Variants in GALNTL6 observed in about 807,000 individuals in gnomAD.
The protein encoded by GALNTL6 is polypeptide N-acetylgalactosaminyltransferase like 6.
GALNTL6 carries 46 observed loss-of-function variants against 73.7 expected under a neutral mutation model. That is an observed-to-expected ratio of 0.62 (90% CI 0.49 to 0.80). GALNTL6 has a LOEUF of 0.80. Ranked by LOEUF, GALNTL6 falls within the 30% of genes least tolerant of loss-of-function variation. GALNTL6 has a pLI of 0.00. For missense variants in GALNTL6, 604 were observed against 755.0 expected (o/e 0.80, Z 2.34); for synonymous variants, 259 against 263.7 (o/e 0.98, Z 0.17).
intron 3 of GALNTL6, among the ~76,000 whole-genome samples, chr4:172,298,267 G>T (rs1739763254): frequency 6.6e-6 from 1 of 152,092 alleles, no homozygotes; most frequent in South Asian, 2.1e-4. Flanking sequence ...AGATGATGGG[G>T]TTTTCTAGAT....
chr4:172,361,575 A>G (rs1439897545), intron 5 of GALNTL6, among the ~76,000 whole-genome samples: 2 of 152,104 alleles, frequency 1.3e-5, no homozygotes, highest in African/African-American at 4.8e-5. Context: ...CGAACCCAGG[A>G]TAATAAGCTT....
intron 5 of GALNTL6, among the ~76,000 whole-genome samples, chr4:172,394,555 C>T (rs1743782928): frequency 6.6e-6 from 1 of 151,722 alleles, no homozygotes; most frequent in African/African-American, 2.4e-5. Context: ...CTTCAGCCTC[C>T]TGAGTAGCTG....
At chr4:172,703,866 C>T (rs1378265964) in intron 5 of GALNTL6, among the ~76,000 whole-genome samples, 1 of 151,808 alleles carries the variant, frequency 6.6e-6, no homozygotes, top group East Asian at 1.9e-4. Flanking sequence ...ATGATTCAAC[C>T]TCTTTATCCA....
In GALNTL6 at chr4:172,061,817, C is replaced by G. The variant is rs1731208946; in HGVS notation, c.139-167839C>G. 2.0e-5 allele frequency among the ~76,000 whole-genome samples: 3 copies of G among 152,078 alleles called. No homozygotes were observed. The South Asian group carries it at 6.2e-4, about 32-fold the overall frequency. On this transcript the variant is annotated intron_variant, in intron 2 of 12. Transcript: ENST00000506823. Reference sequence around the variant, plus strand: ...ACAAACTTGCTGCTTCCAAATGCATCCACCCTGAACGTTCTCAAAACTCAC... The same window carrying G: ...ACAAACTTGCTGCTTCCAAATGCATGCACCCTGAACGTTCTCAAAACTCAC...
rs544625021 is a variant in GALNTL6 at position 171,875,136 on chromosome 4, G to A, written c.138+60418G>A. 4.2e-4 allele frequency among the ~76,000 whole-genome samples: 64 copies of A among 152,252 alleles called. No homozygotes were observed. The South Asian group carries it at 0.011, about 25-fold the overall frequency. ...GGGGAAGGTAATGTGAGCCTTTAGCGATAGGTACTATTTTTTGATGATGAT... is the reference window on the plus strand; with the variant it reads ...GGGGAAGGTAATGTGAGCCTTTAGCAATAGGTACTATTTTTTGATGATGAT... On this transcript the variant is annotated intron_variant, in intron 2 of 12. Transcript: ENST00000506823.
At chr4:172,219,847 G>A (rs142667620) in intron 2 of GALNTL6, among the ~76,000 whole-genome samples, 1 of 151,996 alleles carries the variant, frequency 6.6e-6, no homozygotes, top group East Asian at 1.9e-4. Context: ...AAGCAACCTG[G>A]TTTTGATATT....
At chr4:172,573,857 G>A (rs990673148) in intron 5 of GALNTL6, among the ~76,000 whole-genome samples, 10 of 152,126 alleles carry the variant, frequency 6.6e-5, no homozygotes, top group African/African-American at 2.2e-4. Context: ...CCAGTAACAC[G>A]TTTTGAGGGT....
At chr4:172,905,631 C>G (rs1186599088) in intron 8 of GALNTL6, among the ~76,000 whole-genome samples, 1 of 151,724 alleles carries the variant, frequency 6.6e-6, no homozygotes, top group Non-Finnish European at 1.5e-5. Context: ...ACTATTTGTG[C>G]CTAAGATAAA....
chr4:171,971,278 T>G (rs1489125165), intron 2 of GALNTL6, among the ~76,000 whole-genome samples: 3 of 152,192 alleles, frequency 2.0e-5, no homozygotes, highest in Non-Finnish European at 4.4e-5. Context: ...TCCCTCTGAA[T>G]GAAGGCCTAG....
intron 2 of GALNTL6, among the ~76,000 whole-genome samples, chr4:172,105,451 T>G (rs796457116): frequency 6.6e-6 from 1 of 152,060 alleles, no homozygotes; most frequent in South Asian, 2.1e-4. Flanking sequence ...ACATAAAGTT[T>G]TTTTTTAATT....
intron 7 of GALNTL6, among the ~76,000 whole-genome samples, chr4:172,836,380 CCTGGG>C (rs1298722294): frequency 6.6e-6 from 1 of 152,194 alleles, no homozygotes; most frequent in African/African-American, 2.4e-5. Flanking sequence ...GATGTCATTA[CCTGGG>C]CTGGGGAAGT....
intron 8 of GALNTL6, among the ~76,000 whole-genome samples, chr4:172,886,561 C>T (rs1051752360): frequency 6.6e-5 from 10 of 152,188 alleles, no homozygotes; most frequent in African/African-American, 2.2e-4. Flanking sequence ...GTCAGGAGTT[C>T]GAGACCAGCC....
At chr4:172,329,780 G>A (rs1018248113) in intron 4 of GALNTL6, among the ~76,000 whole-genome samples, 9 of 152,136 alleles carry the variant, frequency 5.9e-5, no homozygotes, top group African/African-American at 2.2e-4. Flanking sequence ...CTGTCCCCCT[G>A]GGAACTCCAT....
intron 2 of GALNTL6, among the ~76,000 whole-genome samples, chr4:171,839,575 C>A (rs2110840571): frequency 6.6e-6 from 1 of 151,992 alleles, no homozygotes; most frequent in Non-Finnish European, 1.5e-5. Context: ...TACCTGTACA[C>A]ACACATACTT....
intron 8 of GALNTL6, among the ~76,000 whole-genome samples, chr4:172,907,344 C>A (rs993109516): frequency 6.6e-6 from 1 of 152,024 alleles, no homozygotes; most frequent in Non-Finnish European, 1.5e-5. Context: ...TATAAATACT[C>A]ATACTGAAAA....
At chr4:172,120,837 G>A (rs1285835881) in intron 2 of GALNTL6, among the ~76,000 whole-genome samples, 1 of 151,826 alleles carries the variant, frequency 6.6e-6, no homozygotes, top group Admixed American at 6.6e-5. Context: ...ATAGCAGAAG[G>A]GTGAGATATG....
intron 5 of GALNTL6, among the ~76,000 whole-genome samples, chr4:172,692,354 A>G (rs373212173): frequency 2.6e-5 from 4 of 151,998 alleles, no homozygotes; most frequent in East Asian, 1.9e-4. Context: ...TTTTTTTTAG[A>G]TAGGTGAAAT....
intron 10 of GALNTL6, among the ~76,000 whole-genome samples, chr4:172,970,609 C>T (rs1034843701): frequency 6.6e-6 from 1 of 152,166 alleles, no homozygotes; most frequent in African/African-American, 2.4e-5. Flanking sequence ...TGGTTGTCTT[C>T]CCTTGTTCCC....
intron 4 of GALNTL6, among the ~76,000 whole-genome samples, chr4:172,323,943 T>G (rs909905926): frequency 6.6e-6 from 1 of 152,064 alleles, no homozygotes; most frequent in East Asian, 1.9e-4. Context: ...TAAAACTGAC[T>G]GTAAATGAGT....
Sources: gnomAD v4.1 joint callset for allele counts (sites outside exome capture counted in the v4.1 genomes callset) on GRCh38, gnomAD v4.1.1 for gene constraint, MANE v1.5 for transcripts, NCBI Gene and HGNC (gene_info 2026-07-23, HGNC 2026-07-21) for gene names.